WWOX: variants seen among roughly 807,000 people sequenced by gnomAD.
The protein encoded by WWOX is WW domain containing oxidoreductase, also known as WW domain-containing oxidoreductase.
Under a neutral mutation model 46.2 loss-of-function variants are expected in WWOX, and 69 were observed. The ratio of observed to expected loss-of-function variants is 1.49; its 90% CI spans 1.23 to 1.82. WWOX has a LOEUF of 1.82. WWOX is among the 40% of genes most tolerant of loss of function. The pLI, the probability that WWOX is intolerant of heterozygous loss-of-function variation, is 0.00. For synonymous variants in WWOX, 359 were observed against 202.6 expected, an observed-to-expected ratio of 1.77 and a Z score of -6.56; for missense variants, 919 against 542.6, an observed-to-expected ratio of 1.69 and a Z score of -6.89.
chr16:78,593,942 G>C (rs960562750), intron 8 of WWOX, among the ~76,000 whole-genome samples: 6 of 152,130 alleles, frequency 3.9e-5, no homozygotes, highest in Admixed American at 6.5e-5. Flanking sequence ...GATGACCTTA[G>C]TTTGCGTCTT....
chr16:78,298,931 T>G (rs1286245539), intron 5 of WWOX, among the ~76,000 whole-genome samples: 1 of 150,514 alleles, frequency 6.6e-6, no homozygotes, highest in African/African-American at 2.4e-5. Context: ...GGACAAGTGT[T>G]CTTATTTTCC....
intron 8 of WWOX, among the ~76,000 whole-genome samples, chr16:79,072,974 C>G (rs1197599845): frequency 6.6e-6 from 1 of 152,092 alleles, no homozygotes; most frequent in African/African-American, 2.4e-5. Context: ...AACGTCATCA[C>G]TGTTTTTAGT....
intron 8 of WWOX, among the ~76,000 whole-genome samples, chr16:78,662,049 AATG>A (rs1366791598): frequency 2.6e-5 from 4 of 152,212 alleles, no homozygotes; most frequent in Non-Finnish European, 5.9e-5. Context: ...GTCTCAAAAT[AATG>A]ATAATAATTG....
At chr16:78,655,920 A>G (rs1260204240) in intron 8 of WWOX, among the ~76,000 whole-genome samples, 3 of 152,086 alleles carry the variant, frequency 2.0e-5, no homozygotes, top group Non-Finnish European at 4.4e-5. Context: ...GAGCGTGGTT[A>G]TCTTTGTGCA....
intron 4 of WWOX, among the ~76,000 whole-genome samples, chr16:78,133,791 G>A (rs1459367659): frequency 1.3e-5 from 2 of 152,214 alleles, no homozygotes; most frequent in African/African-American, 4.8e-5. Flanking sequence ...TGCATGTCAT[G>A]CGTAGAAGTA....
At chr16:78,594,995 T>C (rs17707772) in intron 8 of WWOX, among the ~76,000 whole-genome samples, 71,990 of 152,064 alleles carry the variant, frequency 0.47, 19,231 homozygotes, top group Non-Finnish European at 0.59. Flanking sequence ...TGAAGACTTG[T>C]GGAAAAGGGA....
chr16:78,764,485 C>G (rs774593353), intron 8 of WWOX, among the ~76,000 whole-genome samples: 2 of 147,668 alleles, frequency 1.4e-5, no homozygotes, highest in African/African-American at 2.5e-5. Context: ...CTGTTTTCAT[C>G]CAAACCAGTT....
rs1294854077 is a variant in WWOX, at chr16:79,163,816, A to AAAAAAG, written c.1057-47791_1057-47790insAAAAGA. Among the ~76,000 whole-genome samples, 838 of 124,188 alleles carry AAAAAAG rather than the reference A, an allele frequency of 6.7e-3. 13 individuals carry two copies. Among genetic ancestry groups the AAAAAAG allele is most frequent in the African/African-American group, 0.026 (707 of 27,230 alleles). 81.5% of individuals were successfully genotyped at this position (124,188 alleles called of 152,430 possible). ...ACCTCAAAAAAAAAAAAAAAAAAAA[A>AAAAAAG]AGAGAGAGAGAATAAGGTCAGAGGG... On this transcript the variant is annotated intron_variant, in intron 8 of 8. Coordinates refer to ENST00000566780, the MANE Select transcript of WWOX (RefSeq NM_016373.4).
intron 8 of WWOX, among the ~76,000 whole-genome samples, chr16:78,574,260 T>A (rs1219601874): frequency 1.3e-5 from 2 of 152,200 alleles, no homozygotes; most frequent in Admixed American, 6.5e-5. Flanking sequence ...ATGGAAGCCA[T>A]GTATACCTCA....
chr16:79,141,839 T>C (rs1251557032), intron 8 of WWOX, among the ~76,000 whole-genome samples: 1 of 152,120 alleles, frequency 6.6e-6, no homozygotes, highest in East Asian at 1.9e-4. Context: ...CAGTGTCCAT[T>C]AGGATGACTC....
At chr16:78,556,711 T>TA (rs2044306180) in intron 8 of WWOX, among the ~76,000 whole-genome samples, 1 of 152,088 alleles carries the variant, frequency 6.6e-6, no homozygotes, top group African/African-American at 2.4e-5. Context: ...ACACATTTTT[T>TA]ATTTATTTTA....
chr16:78,712,520 A>T (rs1204805794), intron 8 of WWOX, among the ~76,000 whole-genome samples: 11 of 151,854 alleles, frequency 7.2e-5, no homozygotes, highest in Non-Finnish European at 1.5e-4. Flanking sequence ...AAAAAGTCTT[A>T]TATTGATTAA....
chr16:79,005,422 G>T (rs186285452), intron 8 of WWOX, among the ~76,000 whole-genome samples: 1 of 152,184 alleles, frequency 6.6e-6, no homozygotes, highest in Non-Finnish European at 1.5e-5. Flanking sequence ...CCACGTACTA[G>T]GTGGCTTCAG....
intron 5 of WWOX, among the ~76,000 whole-genome samples, chr16:78,223,797 G>A (rs1052009426): frequency 6.6e-6 from 1 of 152,170 alleles, no homozygotes; most frequent in African/African-American, 2.4e-5. Flanking sequence ...CTGGCGTAAT[G>A]GCGGAGTTTC....
chr16:78,395,310 G>A (rs1001898649), intron 6 of WWOX, among the ~76,000 whole-genome samples: 2 of 152,152 alleles, frequency 1.3e-5, no homozygotes, highest in African/African-American at 4.8e-5. Context: ...CTTGAGTTCC[G>A]GAGTTTGAGA....
intron 6 of WWOX, among the ~76,000 whole-genome samples, chr16:78,394,891 C>T (rs76071719): frequency 0.045 from 6,862 of 152,292 alleles, 227 homozygotes; most frequent in Non-Finnish European, 0.068. Flanking sequence ...GCTTCCAGCT[C>T]TACCACTTAC....
At chr16:78,326,714 G>A (rs1433925768) in intron 5 of WWOX, among the ~76,000 whole-genome samples, 1 of 151,850 alleles carries the variant, frequency 6.6e-6, no homozygotes, top group Admixed American at 6.6e-5. Context: ...ACAGATTGCT[G>A]TATTCTTGCC....
At chr16:78,594,696 A>G (rs989912876) in intron 8 of WWOX, among the ~76,000 whole-genome samples, 8 of 151,746 alleles carry the variant, frequency 5.3e-5, no homozygotes, top group Non-Finnish European at 8.8e-5. Context: ...CATGGACCAC[A>G]CCTTTCTCCT....
chr16:78,185,716 G>C (rs944293529), intron 5 of WWOX, among the ~76,000 whole-genome samples: 11 of 152,094 alleles, frequency 7.2e-5, no homozygotes, highest in Admixed American at 5.9e-4. Flanking sequence ...ACCCAGGCTA[G>C]AGTACAGTGG....
Sources: allele counts gnomAD v4.1 joint callset (sites outside exome capture counted in the v4.1 genomes callset), GRCh38; gene constraint gnomAD v4.1.1; transcripts MANE v1.5; gene names NCBI Gene and HGNC (gene_info 2026-07-23, HGNC 2026-07-21).